FARS2: variants seen among roughly 807,000 people sequenced by gnomAD.
The protein encoded by FARS2 is phenylalanyl-tRNA synthetase 2, mitochondrial.
In FARS2, 40 loss-of-function variants were observed where a neutral mutation model predicts 46.4. The ratio of observed to expected loss-of-function variants is 0.86; its 90% CI spans 0.67 to 1.12. FARS2 has a LOEUF of 1.12. Ranked by LOEUF, FARS2 falls within the 50% of genes most tolerant of loss-of-function variation. The pLI is 0.00. For synonymous variants in FARS2, 234 were observed against 214.9 expected, an observed-to-expected ratio of 1.09 and a Z score of -0.78; for missense variants, 513 against 567.9, an observed-to-expected ratio of 0.90 and a Z score of 0.98.
intron 4 of FARS2, among the ~76,000 whole-genome samples, chr6:5,433,188 C>CA (rs61339132): frequency 0.012 from 1,859 of 152,210 alleles, 48 homozygotes; most frequent in African/African-American, 0.041. Context: ...TCTCTTTAGG[C>CA]AGGGTTCATC....
intron 4 of FARS2, among the ~76,000 whole-genome samples, chr6:5,477,341 T>G (rs1766182732): frequency 6.6e-6 from 1 of 152,198 alleles, no homozygotes; most frequent in South Asian, 2.1e-4. Flanking sequence ...ATTCCCTATC[T>G]CATTACCCTA....
intron 6 of FARS2, among the ~76,000 whole-genome samples, chr6:5,687,283 C>T (rs868585088): frequency 1.4e-3 from 207 of 152,242 alleles, no homozygotes; most frequent in African/African-American, 3.9e-3. Flanking sequence ...CATGCCTATG[C>T]CCTGAATGGT....
At chr6:5,378,825 G>C (rs11243007) in intron 2 of FARS2, among the ~76,000 whole-genome samples, 1 of 152,024 alleles carries the variant, frequency 6.6e-6, no homozygotes, top group Non-Finnish European at 1.5e-5. Flanking sequence ...ACATGTTTAC[G>C]TAGTCCTCTG....
intron 4 of FARS2, among the ~76,000 whole-genome samples, chr6:5,493,409 C>T (rs1232923879): frequency 6.6e-6 from 1 of 152,104 alleles, no homozygotes. Context: ...TTAAGAAATA[C>T]TGCTTTAAAT....
At chr6:5,260,952 G>A (rs1765062512), upstream of FARS2, 1 of 1,315,450 alleles carries the variant, frequency 7.6e-7, no homozygotes, top group Non-Finnish European at 9.7e-7. Flanking sequence ...GCAGGGCTCG[G>A]GGCAGCTAAG....
At chr6:5,415,789 CCT>C (rs2127739949) in intron 3 of FARS2, among the ~76,000 whole-genome samples, 1 of 152,312 alleles carries the variant, frequency 6.6e-6, no homozygotes, top group Non-Finnish European at 1.5e-5. Flanking sequence ...CTCACTGCAT[CCT>C]TGACCTCCCA....
intron 1 of FARS2, among the ~76,000 whole-genome samples, chr6:5,344,558 G>A (rs1384575823): frequency 6.6e-6 from 1 of 152,164 alleles, no homozygotes. Context: ...TCTCCTTGAA[G>A]CCTTTGTGTG....
chr6:5,391,284 G>C (rs535435982), intron 2 of FARS2, among the ~76,000 whole-genome samples: 1 of 152,278 alleles, frequency 6.6e-6, no homozygotes, highest in South Asian at 2.1e-4. Context: ...CTATGTCATG[G>C]TACATGTTAT....
chr6:5,616,219 A>G (rs921638819), intron 6 of FARS2, among the ~76,000 whole-genome samples: 3 of 152,128 alleles, frequency 2.0e-5, no homozygotes, highest in African/African-American at 7.2e-5. Flanking sequence ...TACAGAAAAT[A>G]GAATGTATGG....
At chr6:5,410,149 G>GTTTTTTTTTTTT (rs1171325752) in intron 3 of FARS2, among the ~76,000 whole-genome samples, 38 of 120,532 alleles carry the variant, frequency 3.2e-4, no homozygotes, top group Non-Finnish European at 3.7e-4. Flanking sequence ...TCGTTTTTGT[G>GTTTTTTTTTTTT]TTTTTTTGTT....
intron 1 of FARS2, among the ~76,000 whole-genome samples, chr6:5,280,210 A>C (rs1329917174): frequency 6.6e-6 from 1 of 152,200 alleles, no homozygotes; most frequent in Non-Finnish European, 1.5e-5. Context: ...TTAAATGGAA[A>C]CTGTTCAACC....
chr6:5,255,430 T>C, the FARS2 span, among the ~76,000 whole-genome samples: 1 of 152,248 alleles, frequency 6.6e-6, no homozygotes, highest in African/African-American at 2.4e-5. Context: ...GGAGGAAAAA[T>C]GGTTATTCTT....
At chr6:5,368,477 G>A in intron 1 of FARS2, 73 bp from the exon 2 acceptor site, 1 of 1,323,332 alleles carries the variant, frequency 7.6e-7, no homozygotes. Context: ...GGAGCTGGTG[G>A]GAGATGCAAA....
At chr6:5,445,521 G>A (rs573787830) in intron 4 of FARS2, among the ~76,000 whole-genome samples, 8 of 152,060 alleles carry the variant, frequency 5.3e-5, no homozygotes, top group Non-Finnish European at 7.4e-5. Flanking sequence ...TCATCACTAG[G>A]CAAAATTTAT....
intron 1 of FARS2, among the ~76,000 whole-genome samples, chr6:5,267,688 A>G (rs1765644572): frequency 6.7e-6 from 1 of 149,274 alleles, no homozygotes; most frequent in Admixed American, 6.7e-5. Context: ...TGGGAGGTGG[A>G]GCTTGTAGTG....
chr6:5,262,788 T>C (rs2127799601), intron 1 of FARS2, among the ~76,000 whole-genome samples: 1 of 152,364 alleles, frequency 6.6e-6, no homozygotes, highest in Middle Eastern at 3.4e-3. Context: ...TCTGTTATTG[T>C]TTATTATTAT....
chr6:5,334,493 A>G (rs1248274199), intron 1 of FARS2, among the ~76,000 whole-genome samples: 1 of 152,246 alleles, frequency 6.6e-6, no homozygotes. Context: ...ACAGCTAAGT[A>G]AACATGGGCT....
intron 3 of FARS2, among the ~76,000 whole-genome samples, chr6:5,428,588 C>T (rs2127763431): frequency 6.6e-6 from 1 of 152,314 alleles, no homozygotes; most frequent in East Asian, 1.9e-4. Flanking sequence ...ATTATTTTGT[C>T]TGTCAGTCCT....
At chr6:5,250,805 TTC>T in the FARS2 span, among the ~76,000 whole-genome samples, 1 of 152,268 alleles carries the variant, frequency 6.6e-6, no homozygotes, top group East Asian at 1.9e-4. Context: ...CTTTACTATG[TTC>T]TTACATATGG....
Sources: gnomAD v4.1 joint callset for allele counts (sites outside exome capture counted in the v4.1 genomes callset) on GRCh38, gnomAD v4.1.1 for gene constraint, MANE v1.5 for transcripts, NCBI Gene and HGNC (gene_info 2026-07-23, HGNC 2026-07-21) for gene names.